SCN11A: variants seen among roughly 807,000 people sequenced by gnomAD.
The protein encoded by SCN11A is sodium voltage-gated channel alpha subunit 11.
In SCN11A, 122 loss-of-function variants were observed where a neutral mutation model predicts 162.2. The observed-to-expected ratio is 0.75, with a 90% CI of 0.65 to 0.87. The LOEUF is 0.87. Ranked by LOEUF, SCN11A falls within the 40% of genes least tolerant of loss-of-function variation. The pLI is 0.00. For missense variants in SCN11A, 2,015 were observed against 2,181.6 expected (o/e 0.92, Z 1.52); for synonymous variants, 758 against 751.5 (o/e 1.01, Z -0.14).
rs2066728821 is a variant in SCN11A at position 38,960,282 on chromosome 3, C to T, written c.-139+1G>A. Among the ~76,000 whole-genome samples the T allele has an allele frequency of 6.6e-6, 1 of 152,190 alleles. No individual in the cohort carries two copies. Among genetic ancestry groups the T allele is most frequent in the South Asian group, 2.1e-4 (1 of 4,832 alleles). ...GCCTGCACCCGGCCCAGAGGACTTA[C>T]CTGACTTCTTGGTAAGGTGGCTCCA... On this transcript the variant is annotated splice_donor_variant, in intron 3 of 29. Transcript: ENST00000302328. LOFTEE classifies it low-confidence loss of function (5UTR_SPLICE).
intron 23 of SCN11A, among the ~76,000 whole-genome samples, chr3:38,872,650 T>C (rs879887847): frequency 1.3e-5 from 2 of 152,176 alleles, no homozygotes; most frequent in Non-Finnish European, 2.9e-5. Flanking sequence ...TTTGAAAAAT[T>C]TGAAAATGGA....
chr3:39,015,919 TAG>T (rs1419561947), intron 2 of SCN11A, among the ~76,000 whole-genome samples: 1 of 152,170 alleles, frequency 6.6e-6, no homozygotes, highest in Non-Finnish European at 1.5e-5. Flanking sequence ...GTATTTTTAG[TAG>T]AGACATGGTT....
chr3:39,008,910 TA>T (rs1352096743), intron 2 of SCN11A, among the ~76,000 whole-genome samples: 1 of 151,890 alleles, frequency 6.6e-6, no homozygotes, highest in Non-Finnish European at 1.5e-5. Flanking sequence ...TATGTATATA[TA>T]TTTGGACCAG....
chr3:38,946,547 G>A (rs2066519042), intron 6 of SCN11A, among the ~76,000 whole-genome samples: 3 of 152,060 alleles, frequency 2.0e-5, no homozygotes, highest in East Asian at 3.9e-4. Flanking sequence ...ACTTTCACAC[G>A]ACCAATCTCA....
chr3:38,918,965 C>T (rs1228395147), intron 11 of SCN11A, among the ~76,000 whole-genome samples: 1 of 152,144 alleles, frequency 6.6e-6, no homozygotes, highest in African/African-American at 2.4e-5. Flanking sequence ...ATGGTATAGC[C>T]TACTACACAC....
chr3:38,924,993 A>G (rs183798704), intron 9 of SCN11A, among the ~76,000 whole-genome samples: 27 of 151,978 alleles, frequency 1.8e-4, no homozygotes, highest in African/African-American at 6.3e-4. Flanking sequence ...TCTCACCTCA[A>G]TGACAACTAT....
chr3:38,918,773 C>G (rs1167900852), intron 11 of SCN11A, among the ~76,000 whole-genome samples: 1 of 152,190 alleles, frequency 6.6e-6, no homozygotes, highest in Non-Finnish European at 1.5e-5. Flanking sequence ...GAGAAGCCTT[C>G]CCTAATTCTC....
At chr3:38,871,733 A>G (rs2065129839) in intron 24 of SCN11A, 25 bp from the exon 25 acceptor site, 1 of 1,559,698 alleles carries the variant, frequency 6.4e-7, no homozygotes, top group African/African-American at 1.4e-5. Flanking sequence ...AGCAAAGAAA[A>G]CCATAACAGA....
At chr3:38,954,946 C>T (rs959304959) in intron 3 of SCN11A, among the ~76,000 whole-genome samples, 1 of 152,106 alleles carries the variant, frequency 6.6e-6, no homozygotes, top group African/African-American at 2.4e-5. Context: ...CAAGATTGTG[C>T]CACTGCCCTC....
At chr3:38,852,479 G>A (rs1171188167) in intron 28 of SCN11A, among the ~76,000 whole-genome samples, 2 of 152,026 alleles carry the variant, frequency 1.3e-5, no homozygotes, top group African/African-American at 4.8e-5. Flanking sequence ...CTAAAGTGTT[G>A]GATTACCTAA....
intron 9 of SCN11A, 70 bp from the exon 10 acceptor site, chr3:38,921,325 G>A: frequency 1.4e-6 from 2 of 1,455,116 alleles, no homozygotes; most frequent in Non-Finnish European, 9.5e-7. Flanking sequence ...GCCAAGTAAG[G>A]AGCAACTGAA....
At chr3:38,938,551 T>TATATATA (rs1491267271) in intron 7 of SCN11A, among the ~76,000 whole-genome samples, 1 of 11,138 alleles carries the variant, frequency 9.0e-5, no homozygotes, top group Non-Finnish European at 1.5e-4. Flanking sequence ...TATATATATA[T>TATATATA]TTTTTTTTTT....
intron 2 of SCN11A, among the ~76,000 whole-genome samples, chr3:39,016,411 A>G (rs1480273520): frequency 6.6e-6 from 1 of 152,132 alleles, no homozygotes; most frequent in African/African-American, 2.4e-5. Context: ...GGCACTGAAA[A>G]CAATTCAATT....
At chr3:38,974,228 T>A (rs28641745) in intron 2 of SCN11A, among the ~76,000 whole-genome samples, 11,732 of 152,118 alleles carry the variant, frequency 0.077, 584 homozygotes, top group African/African-American at 0.14. Context: ...TAAAAATAAT[T>A]AGCAACTGGG....
chr3:38,887,459 A>C, intron 19 of SCN11A, among the ~76,000 whole-genome samples: 1 of 129,710 alleles, frequency 7.7e-6, no homozygotes, highest in African/African-American at 2.9e-5. Flanking sequence ...GGGGGGAGGG[A>C]TAGCATTAGG....
chr3:39,009,205 T>C (rs1410244476), intron 2 of SCN11A, among the ~76,000 whole-genome samples: 1 of 152,104 alleles, frequency 6.6e-6, no homozygotes, highest in Non-Finnish European at 1.5e-5. Context: ...ATATTTGTTT[T>C]GTTTTAGAAA....
chr3:38,973,229 T>C (rs1332010486), intron 2 of SCN11A, among the ~76,000 whole-genome samples: 6 of 152,234 alleles, frequency 3.9e-5, no homozygotes, highest in Non-Finnish European at 7.3e-5. Flanking sequence ...ATTCTCAACC[T>C]TCAGTTTTAT....
At chr3:38,994,159 C>T (rs2030537901) in intron 2 of SCN11A, among the ~76,000 whole-genome samples, 1 of 152,188 alleles carries the variant, frequency 6.6e-6, no homozygotes, top group South Asian at 2.1e-4. Context: ...TCAAACTAGA[C>T]ACAAGATAAG....
At chr3:39,050,830 G>A (rs759913759) in intron 1 of SCN11A, among the ~76,000 whole-genome samples, 2 of 152,120 alleles carry the variant, frequency 1.3e-5, no homozygotes, top group African/African-American at 2.4e-5. Context: ...AAATTTGGGG[G>A]TAGTTTACAA....
Sources: gnomAD v4.1 joint callset for allele counts (sites outside exome capture counted in the v4.1 genomes callset) on GRCh38, gnomAD v4.1.1 for gene constraint, MANE v1.5 for transcripts, NCBI Gene and HGNC (gene_info 2026-07-23, HGNC 2026-07-21) for gene names.